The following DYNLT5 variants were observed in gnomAD, a reference collection of about 807,000 sequenced individuals.
The protein encoded by DYNLT5 is dynein light chain Tctex-type family member 5.
A neutral mutation model predicts 19.3 loss-of-function variants in DYNLT5; 25 were observed. The ratio of observed to expected loss-of-function variants is 1.30; its 90% CI spans 0.95 to 1.81. The LOEUF (loss-of-function observed/expected upper bound fraction) is 1.81. Ranked by LOEUF, DYNLT5 falls within the 40% of genes most tolerant of loss-of-function variation. The probability of loss-of-function intolerance (pLI) is 0.00; values close to 1 mark genes in which losing one functional copy is unlikely to be tolerated. For synonymous variants in DYNLT5, 82 were observed against 68.9 expected, an observed-to-expected ratio of 1.19 and a Z score of -0.94; for missense variants, 232 against 217.9, an observed-to-expected ratio of 1.06 and a Z score of -0.41.
intron 2 of DYNLT5, among the ~76,000 whole-genome samples, chr1:66,769,527 ACACACACAAACACACACC>A (rs1425370538): frequency 2.0e-5 from 3 of 151,922 alleles, no homozygotes; most frequent in African/African-American, 7.3e-5. Flanking sequence ...CTGAACACAC[ACACACACAAACACACACC>A]CACACACACA....
At chr1:66,752,671 A>T (rs2094627901) in intron 1 of DYNLT5, 87 bp downstream of exon 1, 1 of 840,790 alleles carries the variant, frequency 1.2e-6, no homozygotes. Context: ...AAATGGCCCT[A>T]CTTGGCCCCG....
intron 2 of DYNLT5, among the ~76,000 whole-genome samples, chr1:66,759,255 ATGCTT>A (rs2094641618): frequency 6.6e-6 from 1 of 152,200 alleles, no homozygotes; most frequent in Non-Finnish European, 1.5e-5. Flanking sequence ...CCTACCTTAT[ATGCTT>A]TGCATAGGTA....
chr1:66,773,749 G>A (rs1176996723), intron 3 of DYNLT5, among the ~76,000 whole-genome samples: 1 of 151,930 alleles, frequency 6.6e-6, no homozygotes, highest in African/African-American at 2.4e-5. Context: ...TTAAGGACAA[G>A]TTTTGTTTGT....
Position 66,778,147 on chromosome 1 carries a change from T to G in DYNLT5, c.*693T>G, listed in dbSNP as rs773495603. The G allele has an allele frequency of 3.9e-5, 6 of 152,800 alleles. No individual in the cohort carries two copies. Among genetic ancestry groups the G allele is most frequent in the Non-Finnish European group, 7.3e-5 (5 of 68,034 alleles). The allele number at this position is 152,800 out of a possible 1,614,324, so 9.5% of individuals were successfully genotyped here. On this transcript the variant is annotated 3_prime_UTR_variant, in exon 5 of 5. Coordinates refer to ENST00000282670, the MANE Select transcript of DYNLT5 (RefSeq NM_152665.3). The stretch of plus-strand genomic sequence containing the variant: ...AACTATAAAGTGAATAAAGGCTTTT[T>G]GGGACACTGAAGTAGACATTGTGAT...
chr1:66,768,308 G>T (rs1298184132), intron 2 of DYNLT5, among the ~76,000 whole-genome samples: 1 of 152,094 alleles, frequency 6.6e-6, no homozygotes, highest in African/African-American at 2.4e-5. Context: ...GTTAACAGGG[G>T]TTAGAGAACA....
At chr1:66,753,795 T>C (rs1285000610) in intron 1 of DYNLT5, among the ~76,000 whole-genome samples, 1 of 151,588 alleles carries the variant, frequency 6.6e-6, no homozygotes, top group Non-Finnish European at 1.5e-5. Context: ...CAAAAATGTT[T>C]AAAAATTAGC....
Position 66,752,510 on chromosome 1 carries a change from G to T in DYNLT5, c.-78G>T. 10 of 985,570 alleles carry T rather than the reference G, an allele frequency of 1.0e-5. No homozygotes were observed. The highest frequency in any genetic ancestry group is 1.2e-5 in the Non-Finnish European group (10 of 830,036). 61.1% of individuals were successfully genotyped at this position (985,570 alleles called of 1,614,324 possible). ...CCGCCGGCTGAATGAAGCCTGGGAC[G>T]CGGGAGCCGCGCCGCGCGCAGTGTC... On this transcript the variant is annotated 5_prime_UTR_variant, in exon 1 of 5. Coordinates refer to ENST00000282670, the MANE Select transcript of DYNLT5 (RefSeq NM_152665.3).
chr1:66,752,544 C>T lies in DYNLT5; in HGVS notation c.-44C>T, dbSNP rs1359061489. On this transcript the variant is annotated 5_prime_UTR_variant, in exon 1 of 5. Coordinates refer to ENST00000282670, the MANE Select transcript of DYNLT5 (RefSeq NM_152665.3). ...GCGCCGCGCGCAGTGTCTGCAGTGC[C>T]GGAGGTCTGGGAGGCTCCGGGCGAA... The T allele has an allele frequency of 8.1e-6, 8 of 985,440 alleles. No individual in the cohort carries two copies. Among genetic ancestry groups the T allele is most frequent in the African/African-American group, 1.7e-5 (1 of 57,244 alleles). The allele number at this position is 985,440 out of a possible 1,614,324, so 61.0% of individuals were successfully genotyped here.
chr1:66,768,622 C>A (rs1477792856), intron 2 of DYNLT5: 1 of 152,074 alleles, frequency 6.6e-6, no homozygotes, highest in Admixed American at 6.5e-5. Context: ...TTATAAAAAT[C>A]CTTATTTGCT....
intron 3 of DYNLT5, 25 bp downstream of exon 3, chr1:66,770,503 T>C: frequency 1.3e-6 from 2 of 1,514,162 alleles, no homozygotes; most frequent in Non-Finnish European, 1.8e-6. Flanking sequence ...CTCTCACTCC[T>C]ATTTTAAACT....
In DYNLT5 at chr1:66,774,839, G is replaced by A. The variant is rs1056403445; in HGVS notation, c.212-1440G>A. Among the ~76,000 whole-genome samples, 4 of 152,234 alleles carry A rather than the reference G, an allele frequency of 2.6e-5. No individual in the cohort carries two copies. In the East Asian group the frequency reaches 7.7e-4, roughly 29 times the overall value. ...GCACTATCCCTTGTGATTTTCTACAGCCCACTCAGAACTTCCTCCTGGAAT... is the reference window on the plus strand; with the variant it reads ...GCACTATCCCTTGTGATTTTCTACAACCCACTCAGAACTTCCTCCTGGAAT... On this transcript the variant is annotated intron_variant, in intron 3 of 4. Coordinates refer to ENST00000282670, the MANE Select transcript of DYNLT5 (RefSeq NM_152665.3).
rs559216018 is a variant in DYNLT5 at position 66,774,095 on chromosome 1, G to C, written c.212-2184G>C. Among the ~76,000 whole-genome samples the C allele has an allele frequency of 1.1e-4, 17 of 152,102 alleles. No individual in the cohort carries two copies. The East Asian group carries it at 2.1e-3, about 19-fold the overall frequency. Reference sequence around the variant, plus strand: ...GGACATTGGTAGCACTGTACAACGGGAACTACTGGAAACAGACTCAAGTGC... The same window carrying C: ...GGACATTGGTAGCACTGTACAACGGCAACTACTGGAAACAGACTCAAGTGC... On this transcript the variant is annotated intron_variant, in intron 3 of 4. Transcript: ENST00000282670.
chr1:66,753,934 G>C (rs1238566465), intron 1 of DYNLT5, among the ~76,000 whole-genome samples: 2 of 145,810 alleles, frequency 1.4e-5, no homozygotes, highest in African/African-American at 5.1e-5. Context: ...TGGGTAACAA[G>C]AGCTAGATCC....
intron 2 of DYNLT5, among the ~76,000 whole-genome samples, chr1:66,760,701 A>G (rs2094644500): frequency 6.6e-6 from 1 of 152,192 alleles, no homozygotes; most frequent in Non-Finnish European, 1.5e-5. Context: ...AGAGGTATTC[A>G]TGGCACCTGC....
At chr1:66,770,658 G>A (rs1336654463) in intron 3 of DYNLT5, 180 bp downstream of exon 3, 2 of 691,140 alleles carry the variant, frequency 2.9e-6, no homozygotes, top group East Asian at 5.6e-5. Flanking sequence ...AACAACACTT[G>A]CTGTCTTACT....
intron 2 of DYNLT5, among the ~76,000 whole-genome samples, chr1:66,758,600 A>G (rs912502645): frequency 6.6e-6 from 1 of 152,192 alleles, no homozygotes; most frequent in African/African-American, 2.4e-5. Context: ...GTATTTCTTC[A>G]TTTATTCAGG....
intron 2 of DYNLT5, among the ~76,000 whole-genome samples, chr1:66,758,932 T>C (rs2094641037): frequency 6.6e-6 from 1 of 152,142 alleles, no homozygotes; most frequent in South Asian, 2.1e-4. Flanking sequence ...GATTAGAAGA[T>C]CAGAGTTAGG....
chr1:66,777,702 G>T lies in DYNLT5; in HGVS notation c.*248G>T. 6.2e-6 allele frequency: 2 copies of T among 324,614 alleles called. No individual in the cohort carries two copies. Among genetic ancestry groups the T allele is most frequent in the East Asian group, 5.1e-5 (1 of 19,422 alleles). The allele number at this position is 324,614 out of a possible 1,614,324, so 20.1% of individuals were successfully genotyped here. A position where few individuals can be genotyped will look rare whatever the true frequency, so the allele number is the denominator to read the frequency against. ...TGCTGGATTGCTTTCCATAGACATA[G>T]ATTCTTATTAAATATTTGTTTTGGT... On this transcript the variant is annotated 3_prime_UTR_variant, in exon 5 of 5. Coordinates refer to ENST00000282670, the MANE Select transcript of DYNLT5 (RefSeq NM_152665.3).
At chr1:66,767,990 A>T (rs1380405250) in intron 2 of DYNLT5, among the ~76,000 whole-genome samples, 1 of 152,210 alleles carries the variant, frequency 6.6e-6, no homozygotes, top group Non-Finnish European at 1.5e-5. Flanking sequence ...ATTCCTACAA[A>T]TGTAGGATTC....
Sources: gnomAD v4.1 joint callset for allele counts (sites outside exome capture counted in the v4.1 genomes callset) on GRCh38, gnomAD v4.1.1 for gene constraint, MANE v1.5 for transcripts, NCBI Gene and HGNC (gene_info 2026-07-23, HGNC 2026-07-21) for gene names.